DIP2C: variants seen among roughly 807,000 people sequenced by gnomAD.
DIP2C encodes DIP2 acetate--CoA ligase C (putative).
In DIP2C, 33 loss-of-function variants were observed where a neutral mutation model predicts 192.4. That is an observed-to-expected ratio of 0.17 (90% CI 0.13 to 0.23). The LOEUF is 0.23. Ranked by LOEUF, DIP2C falls within the 10% of genes least tolerant of loss-of-function variation. DIP2C has a pLI of 1.00. For missense variants in DIP2C, 1,537 were observed against 2,110.1 expected (o/e 0.73, Z 5.32); for synonymous variants, 979 against 864.1 (o/e 1.13, Z -2.33).
intron 1 of DIP2C, chr10:663,296 T>G: frequency 5.4e-6 from 1 of 184,954 alleles, no homozygotes. Flanking sequence ...AGTAAAGGCC[T>G]GGCTGGAACT....
intron 21 of DIP2C, 124 bp from the exon 22 acceptor site, chr10:362,815 T>C: frequency 9.2e-7 from 1 of 1,087,460 alleles, no homozygotes; most frequent in South Asian, 1.9e-5. Context: ...GTTCCCAGCA[T>C]AAAAATGCCA....
chr10:377,667 C>T (rs764079349), intron 17 of DIP2C, among the ~76,000 whole-genome samples: 21 of 152,142 alleles, frequency 1.4e-4, no homozygotes, highest in Non-Finnish European at 2.2e-4. Flanking sequence ...GCTGTGCTGA[C>T]GTTTTCTCCG....
intron 1 of DIP2C, among the ~76,000 whole-genome samples, chr10:538,449 A>AT (rs1443056601): frequency 6.6e-6 from 1 of 152,198 alleles, no homozygotes; most frequent in Non-Finnish European, 1.5e-5. Context: ...GGCATGAGCC[A>AT]TTGTGCCCAG....
intron 1 of DIP2C, among the ~76,000 whole-genome samples, chr10:588,696 G>A (rs1452005989): frequency 1.3e-5 from 2 of 152,210 alleles, no homozygotes; most frequent in Non-Finnish European, 2.9e-5. Context: ...CAGCCTTCGA[G>A]CTCCTCCAGC....
chr10:472,365 C>T lies in DIP2C; in HGVS notation c.268+74G>A, dbSNP rs878877282. The T allele has an allele frequency of 3.1e-5, 44 of 1,419,440 alleles. 1 individual carries two copies. The South Asian group carries it at 5.2e-4, about 17-fold the overall frequency. 87.9% of individuals were successfully genotyped at this position (1,419,440 alleles called of 1,614,324 possible). A position where few individuals can be genotyped will look rare whatever the true frequency, so the allele number is the denominator to read the frequency against. On this transcript the variant is annotated intron_variant, in intron 3 of 36. Transcript: ENST00000280886. ...ACGCCCACTGCACTTCTGCCTCGCC[C>T]AGTGGCTGGGCACAGGCACCGTCCT...
intron 3 of DIP2C, among the ~76,000 whole-genome samples, chr10:449,429 T>C (rs1479974350): frequency 1.3e-5 from 2 of 152,060 alleles, no homozygotes; most frequent in East Asian, 3.9e-4. Context: ...CACTTGCATA[T>C]TATACATAAT....
At chr10:603,482 A>C (rs533382422) in intron 1 of DIP2C, among the ~76,000 whole-genome samples, 1 of 152,062 alleles carries the variant, frequency 6.6e-6, no homozygotes, top group South Asian at 2.1e-4. Flanking sequence ...GTTAAAGACC[A>C]CTCCCCCAGG....
intron 1 of DIP2C, among the ~76,000 whole-genome samples, chr10:602,809 G>T (rs928047444): frequency 6.6e-6 from 1 of 152,148 alleles, no homozygotes; most frequent in South Asian, 2.1e-4. Flanking sequence ...CCAGGGTGTC[G>T]ATCCTTTTTC....
rs368340999 is a variant in DIP2C at position 436,433 on chromosome 10, C to A, written c.394+4438G>T. 3.2e-4 allele frequency among the ~76,000 whole-genome samples: 48 copies of A among 152,326 alleles called. No homozygotes were observed. In the East Asian group the frequency reaches 8.9e-3, roughly 28 times the overall value. On this transcript the variant is annotated intron_variant, in intron 4 of 36. Coordinates refer to ENST00000280886, the MANE Select transcript of DIP2C (RefSeq NM_014974.3). The stretch of plus-strand genomic sequence containing the variant: ...GGGTGGAGAGCTCCAGTCCTGCACC[C>A]ACTCCGATCTCCGCCTCCTGGACTT...
At chr10:513,210 C>G (rs139285305) in intron 1 of DIP2C, among the ~76,000 whole-genome samples, 1 of 151,988 alleles carries the variant, frequency 6.6e-6, no homozygotes, top group African/African-American at 2.4e-5. Context: ...CATGTTTAGT[C>G]GTTCATGTTA....
At chr10:520,428 A>ATT (rs1245062890) in intron 1 of DIP2C, among the ~76,000 whole-genome samples, 1 of 152,248 alleles carries the variant, frequency 6.6e-6, no homozygotes, top group East Asian at 1.9e-4. Context: ...ATTTAAAGTA[A>ATT]TTTCTGCATA....
At chr10:334,905 T>G (rs1033315968) in intron 29 of DIP2C, among the ~76,000 whole-genome samples, 2 of 152,178 alleles carry the variant, frequency 1.3e-5, no homozygotes, top group African/African-American at 4.8e-5. Flanking sequence ...TAAAACTGCT[T>G]TCACTATTGT....
intron 1 of DIP2C, among the ~76,000 whole-genome samples, chr10:572,121 T>G (rs1324189630): frequency 6.6e-6 from 1 of 152,196 alleles, no homozygotes; most frequent in Admixed American, 6.5e-5. Context: ...GTTATCCTAG[T>G]GGTAACAGGA....
chr10:541,461 C>CA (rs1847980723), intron 1 of DIP2C, among the ~76,000 whole-genome samples: 1 of 119,272 alleles, frequency 8.4e-6, no homozygotes, highest in Non-Finnish European at 1.8e-5. Flanking sequence ...TGGACCCCCC[C>CA]GAGTGACCCT....
chr10:403,610 T>C (rs375060663), intron 9 of DIP2C, among the ~76,000 whole-genome samples: 6 of 45,794 alleles, frequency 1.3e-4, no homozygotes, highest in Non-Finnish European at 2.4e-4. Flanking sequence ...TGATTTTACA[T>C]GTGTGGTAGC....
At chr10:352,028 G>A (rs1416460713) in intron 24 of DIP2C, among the ~76,000 whole-genome samples, 33 of 152,182 alleles carry the variant, frequency 2.2e-4, no homozygotes, top group Admixed American at 2.0e-3. Flanking sequence ...CCCCCGCCCC[G>A]CTGAGGGAGG....
chr10:314,338 C>T (rs1014815831), intron 31 of DIP2C, among the ~76,000 whole-genome samples: 3 of 152,182 alleles, frequency 2.0e-5, no homozygotes, highest in Admixed American at 6.5e-5. Context: ...TGCAGCCCTC[C>T]GTCGTCCTCC....
At chr10:685,146 A>C (rs1477914305) in intron 1 of DIP2C, among the ~76,000 whole-genome samples, 5 of 54,826 alleles carry the variant, frequency 9.1e-5, no homozygotes, top group African/African-American at 4.4e-4. Flanking sequence ...AAAAAAAAAA[A>C]AAAAAAAAAA....
intron 1 of DIP2C, among the ~76,000 whole-genome samples, chr10:542,068 C>T (rs1309783617): frequency 6.6e-6 from 1 of 152,218 alleles, no homozygotes; most frequent in Non-Finnish European, 1.5e-5. Flanking sequence ...ACCCCTACAA[C>T]TGACTGCACT....
Sources: allele counts gnomAD v4.1 joint callset (sites outside exome capture counted in the v4.1 genomes callset), GRCh38; gene constraint gnomAD v4.1.1; transcripts MANE v1.5; gene names NCBI Gene and HGNC (gene_info 2026-07-23, HGNC 2026-07-21).